SH3RF1: variants seen among roughly 807,000 people sequenced by gnomAD.
SH3RF1 encodes SH3 domain containing ring finger 1.
Under a neutral mutation model 74.0 loss-of-function variants are expected in SH3RF1, and 32 were observed. The ratio of observed to expected loss-of-function variants is 0.43; its 90% CI spans 0.33 to 0.58. SH3RF1 has a LOEUF of 0.58. SH3RF1 is among the 20% of genes least tolerant of loss of function. The probability of loss-of-function intolerance (pLI) is 0.05; values close to 1 mark genes in which losing one functional copy is unlikely to be tolerated. For missense variants in SH3RF1, 954 were observed against 1,130.9 expected, an observed-to-expected ratio of 0.84 and a Z score of 2.24; for synonymous variants, 396 against 439.6, an observed-to-expected ratio of 0.90 and a Z score of 1.24.
At chr4:169,202,566 T>C (rs1734928674) in intron 2 of SH3RF1, among the ~76,000 whole-genome samples, 1 of 152,180 alleles carries the variant, frequency 6.6e-6, no homozygotes, top group Admixed American at 6.5e-5. Context: ...AGTATTTGGG[T>C]TAATAACACA....
intron 2 of SH3RF1, among the ~76,000 whole-genome samples, chr4:169,266,169 T>A (rs984645787): frequency 6.6e-6 from 1 of 152,238 alleles, no homozygotes; most frequent in Non-Finnish European, 1.5e-5. Context: ...GAACAAGATG[T>A]GCGTCACACA....
intron 2 of SH3RF1, among the ~76,000 whole-genome samples, chr4:169,192,859 A>G (rs924276783): frequency 3.4e-4 from 50 of 147,182 alleles, no homozygotes; most frequent in Non-Finnish European, 6.3e-4. Flanking sequence ...TATCATATAG[A>G]TGTGATATAT....
intron 10 of SH3RF1, among the ~76,000 whole-genome samples, chr4:169,113,566 A>C (rs1733279809): frequency 6.6e-6 from 1 of 152,208 alleles, no homozygotes; most frequent in Non-Finnish European, 1.5e-5. Context: ...TGATGGAGCA[A>C]TGGGGAGAAC....
At chr4:169,228,399 G>T (rs1039609203) in intron 2 of SH3RF1, among the ~76,000 whole-genome samples, 3 of 150,778 alleles carry the variant, frequency 2.0e-5, no homozygotes, top group Non-Finnish European at 4.4e-5. Context: ...TTTTTTTTCT[G>T]GAGGTTCTAG....
chr4:169,160,966 G>A (rs1011256687), intron 2 of SH3RF1, among the ~76,000 whole-genome samples: 1 of 152,196 alleles, frequency 6.6e-6, no homozygotes, highest in South Asian at 2.1e-4. Context: ...TCCTTCGAAA[G>A]GTCTGAGAGT....
chr4:169,177,561 G>A (rs989767165), intron 2 of SH3RF1, among the ~76,000 whole-genome samples: 4 of 152,112 alleles, frequency 2.6e-5, no homozygotes, highest in African/African-American at 4.8e-5. Context: ...AAGAACATTC[G>A]TAATCAATTC....
chr4:169,130,105 C>T lies in SH3RF1; in HGVS notation c.1120G>A (p.Val374Met). Residue 374 changes from valine (V) to methionine (M), a missense_variant, in exon 6 of 12, where the codon GTG (valine) becomes ATG (methionine). Physicochemically the swap from Val to Met is conservative, Grantham distance 21. This residue lies in a region of SH3RF1 where 854 missense variants were observed against 962.5 expected (regional missense o/e 0.89). Coordinates refer to ENST00000284637, the MANE Select transcript of SH3RF1 (RefSeq NM_020870.4). ...LIVTPPPSSP[V>M]TTGPSFTFPS... ...AAAGTAAACGAGGGGCCAGTTGTCA[C>T]TGGGCTGCTTGGGGGCGGGGTCACA... The T allele has an allele frequency of 6.2e-7, 1 of 1,611,622 alleles. No individual in the cohort carries two copies. The highest frequency in any genetic ancestry group is 1.1e-5 in the South Asian group (1 of 90,762).
chr4:169,107,647 C>T (rs1399890631), intron 10 of SH3RF1, among the ~76,000 whole-genome samples: 1 of 152,178 alleles, frequency 6.6e-6, no homozygotes. Flanking sequence ...TGAACTTCTG[C>T]CTATCCTATC....
intron 2 of SH3RF1, among the ~76,000 whole-genome samples, chr4:169,201,365 G>A (rs1734905903): frequency 6.6e-6 from 1 of 152,278 alleles, no homozygotes; most frequent in Non-Finnish European, 1.5e-5. Flanking sequence ...GATTAGAGCG[G>A]GGCTAGGGCA....
intron 2 of SH3RF1, among the ~76,000 whole-genome samples, chr4:169,237,863 T>G (rs138424148): frequency 2.6e-5 from 4 of 152,200 alleles, no homozygotes; most frequent in African/African-American, 9.6e-5. Flanking sequence ...CTAAATCAAT[T>G]TATGATTTCC....
chr4:169,184,724 T>C (rs1734576027), intron 2 of SH3RF1, among the ~76,000 whole-genome samples: 1 of 152,206 alleles, frequency 6.6e-6, no homozygotes, highest in Admixed American at 6.5e-5. Flanking sequence ...GGGGTATTTA[T>C]TTATTTATTT....
intron 2 of SH3RF1, among the ~76,000 whole-genome samples, chr4:169,195,255 C>G (rs1734790436): frequency 6.6e-6 from 1 of 152,158 alleles, no homozygotes; most frequent in Non-Finnish European, 1.5e-5. Flanking sequence ...CTTCTGCTGG[C>G]TACTGTTTCT....
intron 2 of SH3RF1, among the ~76,000 whole-genome samples, chr4:169,183,104 G>A (rs1445673294): frequency 1.3e-5 from 2 of 152,098 alleles, no homozygotes; most frequent in Non-Finnish European, 2.9e-5. Flanking sequence ...TCAGGAGTTC[G>A]AGACCAGCCT....
intron 2 of SH3RF1, among the ~76,000 whole-genome samples, chr4:169,212,889 T>C (rs1730403491): frequency 6.6e-6 from 1 of 152,232 alleles, no homozygotes; most frequent in Admixed American, 6.5e-5. Context: ...TGGCAACCAC[T>C]GATCTTTTTA....
At chr4:169,219,183 TA>T (rs1440871795) in intron 2 of SH3RF1, among the ~76,000 whole-genome samples, 2 of 152,148 alleles carry the variant, frequency 1.3e-5, no homozygotes, top group Non-Finnish European at 2.9e-5. Flanking sequence ...AACTGACCTT[TA>T]CAGAAGACAG....
intron 2 of SH3RF1, among the ~76,000 whole-genome samples, chr4:169,234,058 C>T (rs1204890907): frequency 1.3e-5 from 2 of 152,092 alleles, no homozygotes; most frequent in Non-Finnish European, 2.9e-5. Context: ...TGTTAACTCT[C>T]AGTCTCTGTT....
chr4:169,232,149 T>C (rs1327171449), intron 2 of SH3RF1, among the ~76,000 whole-genome samples: 1 of 152,158 alleles, frequency 6.6e-6, no homozygotes, highest in Non-Finnish European at 1.5e-5. Context: ...GTACGAGCGC[T>C]AGTAAGCACC....
At position 169,109,778 on chromosome 4, in the gene SH3RF1, G is replaced by C. The variant is rs1404968541; in HGVS notation, c.2140-2573C>G. Among the ~76,000 whole-genome samples, 13 of 151,996 alleles carry C rather than the reference G, an allele frequency of 8.6e-5. No homozygotes were observed. In the South Asian group the frequency reaches 2.5e-3, roughly 29 times the overall value. On this transcript the variant is annotated intron_variant, in intron 10 of 11. Coordinates refer to ENST00000284637, the MANE Select transcript of SH3RF1 (RefSeq NM_020870.4). ...TAATTCTAGCACTTTGGGAGGCTGA[G>C]GCAGGAGGATCACTTGAGCCCAGGA...
chr4:169,230,541 A>C (rs867198878), intron 2 of SH3RF1, among the ~76,000 whole-genome samples: 2 of 152,204 alleles, frequency 1.3e-5, no homozygotes, highest in Non-Finnish European at 1.5e-5. Flanking sequence ...AAAGCTAAAA[A>C]TATTAAGTAT....
Sources: gnomAD v4.1 joint callset for allele counts (sites outside exome capture counted in the v4.1 genomes callset) on GRCh38, gnomAD v4.1.1 for gene constraint, gnomAD v4.1.1 regional missense constraint, MANE v1.5 for transcripts, NCBI Gene and HGNC (gene_info 2026-07-23, HGNC 2026-07-21) for gene names.